RAP1GDS1: variants seen among roughly 807,000 people sequenced by gnomAD.
RAP1GDS1 encodes the protein Rap1 GTPase-GDP dissociation stimulator 1, also known as RAP1, GTP-GDP dissociation stimulator 1.
Under a neutral mutation model 71.1 loss-of-function variants are expected in RAP1GDS1, and 35 were observed. The observed-to-expected ratio is 0.49, with a 90% CI of 0.38 to 0.65. The LOEUF (loss-of-function observed/expected upper bound fraction) is 0.65. Ranked by LOEUF, RAP1GDS1 falls within the 30% of genes least tolerant of loss-of-function variation. The pLI, the probability that RAP1GDS1 is intolerant of heterozygous loss-of-function variation, is 0.00. For synonymous variants in RAP1GDS1, 229 were observed against 243.1 expected, an observed-to-expected ratio of 0.94 and a Z score of 0.54; for missense variants, 663 against 706.1, an observed-to-expected ratio of 0.94 and a Z score of 0.69.
intron 7 of RAP1GDS1, among the ~76,000 whole-genome samples, chr4:98,412,087 GTATT>G (rs1159850688): frequency 6.6e-6 from 1 of 152,132 alleles, no homozygotes; most frequent in African/African-American, 2.4e-5. Flanking sequence ...AAAGTCTTAA[GTATT>G]TATTTTTAAA....
chr4:98,327,608 A>C (rs1018050109), intron 2 of RAP1GDS1, among the ~76,000 whole-genome samples: 3 of 152,144 alleles, frequency 2.0e-5, no homozygotes, highest in Admixed American at 6.5e-5. Flanking sequence ...TCTTGATTTC[A>C]ACAGCTTTAA....
chr4:98,329,304 G>A (rs1328511086), intron 2 of RAP1GDS1, among the ~76,000 whole-genome samples: 1 of 152,082 alleles, frequency 6.6e-6, no homozygotes, highest in Non-Finnish European at 1.5e-5. Context: ...CTGGAAAACA[G>A]AACATTTAAG....
chr4:98,290,589 G>A (rs143370061), intron 1 of RAP1GDS1, among the ~76,000 whole-genome samples: 213 of 152,110 alleles, frequency 1.4e-3, no homozygotes, highest in African/African-American at 4.8e-3. Flanking sequence ...AGAGAGGTTG[G>A]AGCATAAAGA....
chr4:98,392,170 A>T, intron 6 of RAP1GDS1, 90 bp downstream of exon 6: 3 of 1,221,182 alleles, frequency 2.5e-6, no homozygotes, highest in Non-Finnish European at 3.3e-6. Context: ...CTAGAAATCC[A>T]TTTAGATTGT....
chr4:98,350,450 T>C (rs1427290906), intron 3 of RAP1GDS1, among the ~76,000 whole-genome samples: 5 of 152,178 alleles, frequency 3.3e-5, no homozygotes, highest in African/African-American at 1.2e-4. Context: ...TTCTCACCTA[T>C]AATCCTAGCA....
intron 14 of RAP1GDS1, among the ~76,000 whole-genome samples, chr4:98,440,397 A>G (rs910374838): frequency 6.6e-5 from 10 of 152,112 alleles, no homozygotes; most frequent in African/African-American, 1.9e-4. Flanking sequence ...TTTTTTTATT[A>G]AATACTGTTT....
At chr4:98,294,013 G>A (rs1422750978) in intron 2 of RAP1GDS1, among the ~76,000 whole-genome samples, 1 of 152,080 alleles carries the variant, frequency 6.6e-6, no homozygotes, top group Non-Finnish European at 1.5e-5. Flanking sequence ...ACCATTAGAA[G>A]TCATCAAAAA....
At chr4:98,337,928 G>C (rs868804574) in intron 2 of RAP1GDS1, among the ~76,000 whole-genome samples, 71 of 152,118 alleles carry the variant, frequency 4.7e-4, no homozygotes, top group African/African-American at 1.7e-3. Flanking sequence ...GTGGAGGATT[G>C]CTTAAAAATT....
At chr4:98,411,959 A>G (rs1036357917) in intron 7 of RAP1GDS1, among the ~76,000 whole-genome samples, 1 of 152,210 alleles carries the variant, frequency 6.6e-6, no homozygotes, top group Non-Finnish European at 1.5e-5. Context: ...GTACAAGTGT[A>G]CCTTTTAAAG....
At chr4:98,410,006 A>C (rs1314425195) in intron 7 of RAP1GDS1, among the ~76,000 whole-genome samples, 1 of 152,176 alleles carries the variant, frequency 6.6e-6, no homozygotes, top group Non-Finnish European at 1.5e-5. Context: ...CTGGTGGCTC[A>C]TGACTGCAAT....
At chr4:98,275,225 A>G (rs1226121928) in intron 1 of RAP1GDS1, among the ~76,000 whole-genome samples, 1 of 152,168 alleles carries the variant, frequency 6.6e-6, no homozygotes, top group Non-Finnish European at 1.5e-5. Flanking sequence ...TTCACATACT[A>G]CTTTAAATGC....
At chr4:98,380,603 G>A (rs574372871) in intron 5 of RAP1GDS1, among the ~76,000 whole-genome samples, 3 of 151,814 alleles carry the variant, frequency 2.0e-5, no homozygotes, top group South Asian at 2.1e-4. Context: ...AAACAGAAAG[G>A]ACAGAGCCTG....
At chr4:98,441,329 G>A (rs576272464) in intron 14 of RAP1GDS1, 2 of 982,592 alleles carry the variant, frequency 2.0e-6, no homozygotes, top group South Asian at 9.4e-5. Context: ...AAGTTAAATA[G>A]AGAAAGCAAG....
At chr4:98,397,415 T>C (rs1038015788) in intron 6 of RAP1GDS1, among the ~76,000 whole-genome samples, 10 of 152,084 alleles carry the variant, frequency 6.6e-5, no homozygotes, top group Admixed American at 1.3e-4. Context: ...GGAAGATTGA[T>C]TGCAGCAGGA....
intron 1 of RAP1GDS1, among the ~76,000 whole-genome samples, chr4:98,272,909 G>A (rs1050284778): frequency 2.0e-5 from 3 of 152,068 alleles, no homozygotes; most frequent in Non-Finnish European, 4.4e-5. Context: ...ATTTTTTTCT[G>A]ATTTTCGCTG....
chr4:98,330,774 T>C (rs56376105), intron 2 of RAP1GDS1, among the ~76,000 whole-genome samples: 19,858 of 142,028 alleles, frequency 0.14, 2,008 homozygotes, highest in African/African-American at 0.28. Context: ...ACTTCCTAGA[T>C]GGGGTGGTGG....
At chr4:98,287,335 T>C (rs1726190468) in intron 1 of RAP1GDS1, among the ~76,000 whole-genome samples, 1 of 152,224 alleles carries the variant, frequency 6.6e-6, no homozygotes, top group African/African-American at 2.4e-5. Flanking sequence ...ATTTTGGGAT[T>C]TAACCACTTG....
At chr4:98,412,439 C>A (rs551744357) in intron 7 of RAP1GDS1, among the ~76,000 whole-genome samples, 87 of 152,250 alleles carry the variant, frequency 5.7e-4, no homozygotes, top group African/African-American at 1.9e-3. Flanking sequence ...TGCTTGAGCC[C>A]AGGAGTTCAA....
intron 1 of RAP1GDS1, among the ~76,000 whole-genome samples, chr4:98,269,419 A>G (rs1338218274): frequency 1.3e-5 from 2 of 152,130 alleles, no homozygotes; most frequent in African/African-American, 4.8e-5. Context: ...GTTGGCAATG[A>G]TTTTTTGTTT....
Sources: gnomAD v4.1 joint callset for allele counts (sites outside exome capture counted in the v4.1 genomes callset) on GRCh38, gnomAD v4.1.1 for gene constraint, MANE v1.5 for transcripts, NCBI Gene and HGNC (gene_info 2026-07-23, HGNC 2026-07-21) for gene names.